KCNIP1: variants seen among roughly 807,000 people sequenced by gnomAD.
KCNIP1 encodes the protein A-type potassium channel modulatory protein KCNIP1.
In KCNIP1, 18 loss-of-function variants were observed where a neutral mutation model predicts 33.0. The observed-to-expected ratio is 0.55, with a 90% CI of 0.38 to 0.81. KCNIP1 has a LOEUF of 0.81. Ranked by LOEUF, KCNIP1 falls within the 30% of genes least tolerant of loss-of-function variation. The probability of loss-of-function intolerance (pLI) is 0.00; values close to 1 mark genes in which losing one functional copy is unlikely to be tolerated. For synonymous variants in KCNIP1, 93 were observed against 98.3 expected, an observed-to-expected ratio of 0.95 and a Z score of 0.32; for missense variants, 238 against 271.6, an observed-to-expected ratio of 0.88 and a Z score of 0.87.
intron 1 of KCNIP1, among the ~76,000 whole-genome samples, chr5:170,646,372 G>A (rs987882219): frequency 2.6e-5 from 4 of 152,010 alleles, no homozygotes; most frequent in African/African-American, 4.8e-5. Flanking sequence ...GTCCAACAAC[G>A]TATAAAAAGA....
At chr5:170,410,742 T>C (rs1436380338) in intron 1 of KCNIP1, among the ~76,000 whole-genome samples, 3 of 152,098 alleles carry the variant, frequency 2.0e-5, no homozygotes, top group Admixed American at 2.0e-4. Flanking sequence ...AAAATATAAA[T>C]TATTTGGATC....
intron 1 of KCNIP1, among the ~76,000 whole-genome samples, chr5:170,682,444 A>C (rs1762382240): frequency 6.6e-6 from 1 of 152,160 alleles, no homozygotes; most frequent in African/African-American, 2.4e-5. Context: ...GTATGTAAGG[A>C]TGTTTTTTAG....
chr5:170,722,005 T>C, intron 4 of KCNIP1, 102 bp downstream of exon 4: 1 of 1,330,604 alleles, frequency 7.5e-7, no homozygotes, highest in Non-Finnish European at 1.1e-6. Context: ...TCAAAAGCTC[T>C]CAGTCAGACC....
chr5:170,482,463 A>G (rs1167547521), intron 1 of KCNIP1, among the ~76,000 whole-genome samples: 1 of 152,202 alleles, frequency 6.6e-6, no homozygotes, highest in African/African-American at 2.4e-5. Flanking sequence ...CCCTTACAAC[A>G]GCCCCATGAA....
chr5:170,455,626 G>T (rs1401274633), intron 1 of KCNIP1, among the ~76,000 whole-genome samples: 3 of 152,094 alleles, frequency 2.0e-5, no homozygotes, highest in African/African-American at 7.2e-5. Flanking sequence ...TGGCCACAAA[G>T]AATAAAATTA....
At chr5:170,537,958 G>C (rs116633640) in intron 1 of KCNIP1, among the ~76,000 whole-genome samples, 2,388 of 152,312 alleles carry the variant, frequency 0.016, 64 homozygotes, top group African/African-American at 0.054. Context: ...CACAGACCTG[G>C]CACAATTTCC....
chr5:170,406,068 C>T (rs1755032114), intron 1 of KCNIP1, among the ~76,000 whole-genome samples: 1 of 152,206 alleles, frequency 6.6e-6, no homozygotes, highest in South Asian at 2.1e-4. Flanking sequence ...TCCTCAGTTC[C>T]TTGTTTGTCT....
chr5:170,589,772 G>GATGT (rs1554102980), intron 1 of KCNIP1, among the ~76,000 whole-genome samples: 1 of 145,844 alleles, frequency 6.9e-6, no homozygotes, highest in African/African-American at 2.6e-5. Flanking sequence ...GGTGTGGTGT[G>GATGT]GTGTGGTGTG....
At chr5:170,375,067 A>G (rs1180988601) in intron 1 of KCNIP1, 1 of 152,182 alleles carries the variant, frequency 6.6e-6, no homozygotes, top group Non-Finnish European at 1.5e-5. Context: ...TAGACCCTTT[A>G]AATCAGACTC....
intron 1 of KCNIP1, among the ~76,000 whole-genome samples, chr5:170,494,400 T>TA (rs1026188463): frequency 6.6e-6 from 1 of 152,000 alleles, no homozygotes; most frequent in Non-Finnish European, 1.5e-5. Flanking sequence ...CTAGTCAAGG[T>TA]AGTGTGTTGT....
In KCNIP1 at chr5:170,504,209, C is replaced by T. The variant is rs1754610178; in HGVS notation, c.-364C>T. 4.8e-6 allele frequency: 5 copies of T among 1,043,844 alleles called. No homozygotes were observed. The highest frequency in any genetic ancestry group is 5.8e-6 in the Non-Finnish European group (5 of 868,872). The allele number at this position is 1,043,844 out of a possible 1,614,324, so 64.7% of individuals were successfully genotyped here. ...CGGACGGCGGCTCCCGCACCGCACG[C>T]GGCGCTGGCTCGGCAGCCTCGGCCG... On this transcript the variant is annotated 5_prime_UTR_variant, in exon 1 of 8. Transcript: ENST00000328939. This position sits in a 1 kb window ranked among gnomAD's most constrained non-coding sequence, Gnocchi z 6.0.
intron 1 of KCNIP1, among the ~76,000 whole-genome samples, chr5:170,608,437 A>G (rs1204081981): frequency 6.6e-6 from 1 of 152,152 alleles, no homozygotes; most frequent in Non-Finnish European, 1.5e-5. Context: ...AAATGGGGAG[A>G]ACCACGTCTA....
At chr5:170,722,948 T>C (rs961855527) in intron 5 of KCNIP1, 128 bp downstream of exon 5, 7 of 625,874 alleles carry the variant, frequency 1.1e-5, no homozygotes, top group Non-Finnish European at 2.0e-5. Context: ...CTAACAGAGC[T>C]GGTCCCTGGC....
chr5:170,361,462 G>C (rs1763511156), intron 1 of KCNIP1, among the ~76,000 whole-genome samples: 1 of 152,120 alleles, frequency 6.6e-6, no homozygotes, highest in African/African-American at 2.4e-5. Context: ...AGCTAACCTT[G>C]GTCCCCTCTG....
intron 1 of KCNIP1, chr5:170,678,977 T>A (rs1762237880): frequency 6.6e-6 from 1 of 152,192 alleles, no homozygotes; most frequent in African/African-American, 2.4e-5. Context: ...CATATCTGGA[T>A]ATGTGAATGC....
At chr5:170,392,495 A>G (rs1754629307) in intron 1 of KCNIP1, among the ~76,000 whole-genome samples, 1 of 152,164 alleles carries the variant, frequency 6.6e-6, no homozygotes, top group African/African-American at 2.4e-5. Flanking sequence ...AACACCTGAG[A>G]TTGCTATATG....
chr5:170,597,474 AC>A (rs1194672629), intron 1 of KCNIP1, among the ~76,000 whole-genome samples: 1 of 151,124 alleles, frequency 6.6e-6, no homozygotes, highest in African/African-American at 2.4e-5. Context: ...CAACCCACCC[AC>A]CCCCGCACAC....
intron 1 of KCNIP1, among the ~76,000 whole-genome samples, chr5:170,693,251 T>TC: frequency 1.3e-4 from 1 of 7,844 alleles, no homozygotes; most frequent in Non-Finnish European, 2.3e-4. Flanking sequence ...CCAGCCCCCA[T>TC]CCCCCCGACA....
chr5:170,499,899 C>A (rs1757378912), upstream of KCNIP1, among the ~76,000 whole-genome samples: 1 of 152,166 alleles, frequency 6.6e-6, no homozygotes, highest in Non-Finnish European at 1.5e-5. Flanking sequence ...TATATAGAGG[C>A]TTATGGCAGA....
Sources: allele counts gnomAD v4.1 joint callset (sites outside exome capture counted in the v4.1 genomes callset), GRCh38; gene constraint gnomAD v4.1.1; non-coding constraint Gnocchi (gnomAD v3.1); transcripts MANE v1.5; gene names NCBI Gene and HGNC (gene_info 2026-07-23, HGNC 2026-07-21).